Variants in RMST observed in about 807,000 individuals in gnomAD.
The protein encoded by RMST is rhabdomyosarcoma 2 associated transcript.
chr12:97,546,866 G>A (rs138798038), intron 11 of RMST, among the ~76,000 whole-genome samples: 1 of 152,006 alleles, frequency 6.6e-6, no homozygotes, highest in African/African-American at 2.4e-5. Context: ...ATTAACTATA[G>A]TCACCATATT....
intron 11 of RMST, among the ~76,000 whole-genome samples, chr12:97,555,641 A>G (rs1208309016): frequency 6.6e-6 from 1 of 152,114 alleles, no homozygotes; most frequent in African/African-American, 2.4e-5. Context: ...AATAAGAGAG[A>G]TTTTCATTTA....
intron 5 of RMST, among the ~76,000 whole-genome samples, chr12:97,474,730 T>C (rs1195743396): frequency 6.8e-6 from 1 of 147,334 alleles, no homozygotes; most frequent in Non-Finnish European, 1.5e-5. Flanking sequence ...AGAAAATATG[T>C]GGAAAAAAAA....
intron 5 of RMST, chr12:97,491,537 ACT>A (rs1306977795): frequency 5.8e-6 from 1 of 171,408 alleles, no homozygotes; most frequent in African/African-American, 2.4e-5. Flanking sequence ...AATTATTTAA[ACT>A]CTGTGGATTT....
At chr12:97,511,202 G>A (rs1456290073) in intron 10 of RMST, among the ~76,000 whole-genome samples, 2 of 150,320 alleles carry the variant, frequency 1.3e-5, no homozygotes, top group Non-Finnish European at 1.5e-5. Context: ...AGGCTGGAGT[G>A]CACTGGCACA....
chr12:97,520,989 T>G (rs897043662), intron 10 of RMST, among the ~76,000 whole-genome samples: 2 of 152,152 alleles, frequency 1.3e-5, no homozygotes, highest in Non-Finnish European at 2.9e-5. Flanking sequence ...GGTCATAGGG[T>G]GCTAAAATAT....
intron 10 of RMST, among the ~76,000 whole-genome samples, chr12:97,512,237 C>T (rs760256283): frequency 6.6e-5 from 10 of 152,070 alleles, no homozygotes; most frequent in South Asian, 2.1e-4. Context: ...TTCATGGTCC[C>T]GCTGGCTTCA....
chr12:97,491,942 T>C (rs372195313), intron 5 of RMST: 38 of 534,016 alleles, frequency 7.1e-5, no homozygotes, highest in African/African-American at 6.9e-4. Flanking sequence ...CTTCTCCTTC[T>C]GAACAGAGCG....
chr12:97,509,270 G>A (rs1011244791), intron 10 of RMST, among the ~76,000 whole-genome samples: 8 of 152,162 alleles, frequency 5.3e-5, no homozygotes, highest in Admixed American at 2.0e-4. Flanking sequence ...CCTCTGATCT[G>A]TTGATGTCTT....
intron 11 of RMST, chr12:97,541,125 T>C (rs1882485671): frequency 6.6e-6 from 1 of 151,634 alleles, no homozygotes; most frequent in Non-Finnish European, 1.5e-5. Flanking sequence ...CTTTCTTATT[T>C]TCTAACAATT....
intron 10 of RMST, among the ~76,000 whole-genome samples, chr12:97,500,925 C>T (rs1424477966): frequency 6.6e-6 from 1 of 151,986 alleles, no homozygotes; most frequent in East Asian, 1.9e-4. Context: ...AAATTAAAAC[C>T]CAGACATACA....
In RMST at chr12:97,482,711, A is replaced by ATATTATTTATT. The variant is rs1565919248; in HGVS notation, n.645-9744_645-9734dup. On this transcript the variant is annotated intron_variant and non_coding_transcript_variant, in intron 5 of 13. Transcript: ENST00000640149. Reference sequence around the variant, plus strand: ...TATTATTTATTTAATAAATAAATTTATATTATTTATTTATTAAATAAATTT... The same window carrying ATATTATTTATT: ...TATTATTTATTTAATAAATAAATTTATATTATTTATTTATTATTTATTTATTAAATAAATTT... 4.0e-4 allele frequency among the ~76,000 whole-genome samples: 26 copies of ATATTATTTATT among 65,672 alleles called. 2 individuals carry two copies. The highest frequency in any genetic ancestry group is 5.2e-4 in the Admixed American group (3 of 5,798). The allele number at this position is 65,672 out of a possible 152,430, so 43.1% of individuals were successfully genotyped here.
intron 11 of RMST, among the ~76,000 whole-genome samples, chr12:97,535,536 AC>A (rs928833335): frequency 1.3e-5 from 2 of 151,538 alleles, no homozygotes; most frequent in African/African-American, 4.8e-5. Flanking sequence ...TGTTGTATAA[AC>A]AAGAAACTCA....
intron 5 of RMST, among the ~76,000 whole-genome samples, chr12:97,487,561 G>C (rs1876250981): frequency 6.6e-6 from 1 of 152,160 alleles, no homozygotes; most frequent in Admixed American, 6.5e-5. Context: ...GGTGGAGAGA[G>C]TGGGGTATGG....
At chr12:97,545,383 T>G (rs917161208) in intron 11 of RMST, among the ~76,000 whole-genome samples, 1 of 152,096 alleles carries the variant, frequency 6.6e-6, no homozygotes, top group African/African-American at 2.4e-5. Flanking sequence ...GATCTAAGAT[T>G]AAGAGTCTGA....
intron 5 of RMST, among the ~76,000 whole-genome samples, chr12:97,491,418 A>G (rs1019514132): frequency 6.6e-6 from 1 of 152,212 alleles, no homozygotes; most frequent in Non-Finnish European, 1.5e-5. Flanking sequence ...GCACCCATGG[A>G]TGTTACTAAA....
intron 10 of RMST, among the ~76,000 whole-genome samples, chr12:97,502,193 A>G (rs978413558): frequency 2.6e-5 from 4 of 152,112 alleles, no homozygotes; most frequent in Non-Finnish European, 5.9e-5. Flanking sequence ...TAAATTGGTG[A>G]CCTTAGTGTC....
chr12:97,470,965 A>G (rs1565916026), intron 5 of RMST, among the ~76,000 whole-genome samples: 1 of 152,128 alleles, frequency 6.6e-6, no homozygotes, highest in Non-Finnish European at 1.5e-5. Flanking sequence ...TCCTCTATCA[A>G]TAAACAGTAC....
At position 97,497,833 on chromosome 12, in the gene RMST, C is replaced by T. The variant is rs73384783; in HGVS notation, n.1340+1777C>T. Among the ~76,000 whole-genome samples the T allele has an allele frequency of 6.4e-3, 970 of 152,118 alleles. 13 individuals are homozygous for T. Among genetic ancestry groups the T allele is most frequent in the African/African-American group, 0.022 (901 of 41,492 alleles). On this transcript the variant is annotated intron_variant and non_coding_transcript_variant, in intron 10 of 13. Coordinates refer to ENST00000640149, the Ensembl canonical transcript of RMST. ...ATGGGGAAGGAGGCAGTCACCCTTC[C>T]GCTACTGTGGTTTGTAGGGGTCCGC... is the stretch of plus-strand genomic sequence containing the variant.
At chr12:97,470,112 G>C (rs1312296984) in intron 5 of RMST, among the ~76,000 whole-genome samples, 1 of 151,998 alleles carries the variant, frequency 6.6e-6, no homozygotes, top group African/African-American at 2.4e-5. Flanking sequence ...TCAATGTCTG[G>C]GTCAAAGCCG....
Sources: allele counts gnomAD v4.1 joint callset (sites outside exome capture counted in the v4.1 genomes callset), GRCh38; gene constraint gnomAD v4.1.1; transcripts MANE v1.5; gene names NCBI Gene and HGNC (gene_info 2026-07-23, HGNC 2026-07-21).